Variants in CSMD3 observed in about 807,000 individuals in gnomAD.
CSMD3 encodes CUB and sushi domain-containing protein 3.
In CSMD3, 177 loss-of-function variants were observed where a neutral mutation model predicts 435.2. That is an observed-to-expected ratio of 0.41 (90% CI 0.36 to 0.46). The LOEUF (loss-of-function observed/expected upper bound fraction) is 0.46, where lower values mean the gene tolerates loss of function less well. Ranked by LOEUF, CSMD3 falls within the 20% of genes least tolerant of loss-of-function variation. The pLI, the probability that CSMD3 is intolerant of heterozygous loss-of-function variation, is 0.34. For missense variants in CSMD3, 4,265 were observed against 4,504.6 expected (o/e 0.95, Z 1.52); for synonymous variants, 1,656 against 1,520.5 (o/e 1.09, Z -2.07).
chr8:112,310,972 C>G lies in CSMD3; in HGVS notation c.7885+6G>C, dbSNP rs766440184. On this transcript the variant is annotated splice_donor_region_variant and intron_variant, in intron 50 of 70. Coordinates refer to ENST00000297405, the MANE Select transcript of CSMD3 (RefSeq NM_198123.2). ...TTTTTGTTCATTTTGGCATAATATA[C>G]TTCACCTTGACAGGCAGGGACTGGC... 1.2e-6 allele frequency: 2 copies of G among 1,613,068 alleles called. No homozygotes were observed. The highest frequency in any genetic ancestry group is 1.7e-6 in the Non-Finnish European group (2 of 1,179,118).
At chr8:113,043,968 T>C (rs2087726744) in intron 5 of CSMD3, among the ~76,000 whole-genome samples, 1 of 152,072 alleles carries the variant, frequency 6.6e-6, no homozygotes, top group African/African-American at 2.4e-5. Context: ...AGTTAAAAGA[T>C]AAGTAGAATC....
chr8:112,678,589 T>C (rs887879196), intron 16 of CSMD3, among the ~76,000 whole-genome samples: 2 of 152,118 alleles, frequency 1.3e-5, no homozygotes, highest in Non-Finnish European at 2.9e-5. Context: ...TAAGGTAATC[T>C]TTAAGTGGAT....
At chr8:112,781,640 G>C (rs1180282389) in intron 13 of CSMD3, among the ~76,000 whole-genome samples, 1 of 152,076 alleles carries the variant, frequency 6.6e-6, no homozygotes, top group South Asian at 2.1e-4. Flanking sequence ...TACTGTGATG[G>C]CTTCAGCTGT....
chr8:112,630,205 TAA>T (rs1261909371), intron 22 of CSMD3, among the ~76,000 whole-genome samples: 1 of 152,124 alleles, frequency 6.6e-6, no homozygotes, highest in Admixed American at 6.6e-5. Context: ...CTGTATTGTA[TAA>T]AGTCTCTAAA....
At chr8:112,535,346 C>T (rs937376011) in intron 27 of CSMD3, among the ~76,000 whole-genome samples, 10 of 152,124 alleles carry the variant, frequency 6.6e-5, no homozygotes, top group African/African-American at 2.4e-4. Context: ...AATCAGTGTA[C>T]AAAAATCACG....
chr8:112,704,380 G>A (rs1231723236), intron 13 of CSMD3, among the ~76,000 whole-genome samples: 4 of 152,042 alleles, frequency 2.6e-5, no homozygotes, highest in Non-Finnish European at 5.9e-5. Context: ...TATCATTAAC[G>A]TGAAGTTGTT....
intron 3 of CSMD3, among the ~76,000 whole-genome samples, chr8:113,242,874 C>A (rs2093234656): frequency 6.6e-6 from 1 of 151,748 alleles, no homozygotes; most frequent in African/African-American, 2.4e-5. Context: ...TACTAACTTA[C>A]TAGCTACAAT....
intron 44 of CSMD3, among the ~76,000 whole-genome samples, chr8:112,336,147 T>C (rs1231307532): frequency 1.3e-5 from 2 of 152,132 alleles, no homozygotes; most frequent in Non-Finnish European, 2.9e-5. Flanking sequence ...TGGGATGAAG[T>C]GATGCTCCCA....
intron 8 of CSMD3, among the ~76,000 whole-genome samples, chr8:112,953,926 T>A (rs1224454975): frequency 1.3e-5 from 2 of 151,494 alleles, no homozygotes; most frequent in East Asian, 3.9e-4. Flanking sequence ...GGAAGTCAAG[T>A]ATTGTGTCAT....
intron 5 of CSMD3, among the ~76,000 whole-genome samples, chr8:113,080,879 C>T (rs1324453386): frequency 6.6e-6 from 1 of 152,078 alleles, no homozygotes; most frequent in Non-Finnish European, 1.5e-5. Context: ...TGCCATTATT[C>T]CTGTTATTTT....
intron 16 of CSMD3, among the ~76,000 whole-genome samples, chr8:112,675,519 T>C (rs1330819074): frequency 6.6e-6 from 1 of 152,006 alleles, no homozygotes; most frequent in African/African-American, 2.4e-5. Flanking sequence ...GTAGGGGACA[T>C]GTGAGTCAGA....
chr8:113,038,441 T>C (rs2087454936), intron 5 of CSMD3, among the ~76,000 whole-genome samples: 1 of 152,162 alleles, frequency 6.6e-6, no homozygotes, highest in Non-Finnish European at 1.5e-5. Flanking sequence ...CAGAGTCAGC[T>C]TTTTCATGCT....
At chr8:112,342,588 C>G (rs1258097799) in intron 41 of CSMD3, among the ~76,000 whole-genome samples, 1 of 151,970 alleles carries the variant, frequency 6.6e-6, no homozygotes, top group Non-Finnish European at 1.5e-5. Flanking sequence ...AAGTGAGTCG[C>G]AGAGAAGTAA....
intron 1 of CSMD3, among the ~76,000 whole-genome samples, chr8:113,393,247 C>A: frequency 6.6e-6 from 1 of 151,874 alleles, no homozygotes; most frequent in East Asian, 1.9e-4. Flanking sequence ...AAATTTTTGG[C>A]AACCAACATT....
At chr8:112,531,230 T>G (rs1825501035) in intron 27 of CSMD3, among the ~76,000 whole-genome samples, 1 of 152,124 alleles carries the variant, frequency 6.6e-6, no homozygotes, top group South Asian at 2.1e-4. Flanking sequence ...TTCAGGCCAC[T>G]GCTCCCATCA....
At chr8:113,348,364 T>C (rs1330067142) in intron 1 of CSMD3, among the ~76,000 whole-genome samples, 2 of 152,144 alleles carry the variant, frequency 1.3e-5, no homozygotes, top group African/African-American at 4.8e-5. Flanking sequence ...GCTTTATACA[T>C]GGTAGTAGAG....
chr8:113,370,831 T>TA (rs901102536), intron 1 of CSMD3, among the ~76,000 whole-genome samples: 13 of 152,014 alleles, frequency 8.6e-5, no homozygotes, highest in South Asian at 8.3e-4. Flanking sequence ...TTTTGCCTGT[T>TA]AAAAAAAATC....
At chr8:112,567,943 T>C (rs1241420738) in intron 24 of CSMD3, among the ~76,000 whole-genome samples, 3 of 152,282 alleles carry the variant, frequency 2.0e-5, no homozygotes, top group African/African-American at 4.8e-5. Flanking sequence ...TACCTGACAT[T>C]ATGTCTCATT....
chr8:112,969,665 AAAT>A (rs1284580940), intron 7 of CSMD3, among the ~76,000 whole-genome samples: 8 of 152,142 alleles, frequency 5.3e-5, no homozygotes, highest in Non-Finnish European at 8.8e-5. Context: ...GTCCAATAAA[AAAT>A]AATAATTATT....
Sources: allele counts gnomAD v4.1 joint callset (sites outside exome capture counted in the v4.1 genomes callset), GRCh38; gene constraint gnomAD v4.1.1; transcripts MANE v1.5; gene names NCBI Gene and HGNC (gene_info 2026-07-23, HGNC 2026-07-21).